The following ADGRG7 variants were observed in gnomAD, a reference collection of about 807,000 sequenced individuals.
ADGRG7 encodes the protein G-protein coupled receptor 128.
ADGRG7 carries 82 observed loss-of-function variants against 88.6 expected under a neutral mutation model. That is an observed-to-expected ratio of 0.93 (90% CI 0.77 to 1.11). The LOEUF (loss-of-function observed/expected upper bound fraction) is 1.11. Among genes scored for constraint, ADGRG7 ranks in the 50% most tolerant of loss-of-function variants. The pLI, the probability that ADGRG7 is intolerant of heterozygous loss-of-function variation, is 0.00. For synonymous variants in ADGRG7, 381 were observed against 345.2 expected (o/e 1.10, Z -1.15); for missense variants, 945 against 953.4 (o/e 0.99, Z 0.12).
chr3:100,625,912 G>A (rs748659385), intron 1 of ADGRG7, among the ~76,000 whole-genome samples: 142 of 152,160 alleles, frequency 9.3e-4, no homozygotes, highest in Non-Finnish European at 1.7e-3. Flanking sequence ...TTTTTGATGT[G>A]CTGCTGGATT....
rs755022452 is a variant in ADGRG7, at chr3:100,695,012, T to G, written c.*11T>G. The G allele has an allele frequency of 1.2e-6, 2 of 1,608,582 alleles. No homozygotes were observed. Among genetic ancestry groups the G allele is most frequent in the Non-Finnish European group, 8.5e-7 (1 of 1,176,636 alleles). On this transcript the variant is annotated 3_prime_UTR_variant, in exon 16 of 16. Coordinates refer to ENST00000273352, the MANE Select transcript of ADGRG7 (RefSeq NM_032787.3). ...AAGGAAAGCATCTAGACAGTAAAAC[T>G]TACCTGTTGTGGTCTTTTTAATCAC...
At chr3:100,633,764 C>T (rs148544204) in intron 4 of ADGRG7, among the ~76,000 whole-genome samples, 2,150 of 152,128 alleles carry the variant, frequency 0.014, 43 homozygotes, top group African/African-American at 0.048. Flanking sequence ...ACAGGTGATC[C>T]GCCTGCCTCA....
chr3:100,622,930 T>A (rs1407514520), intron 1 of ADGRG7, among the ~76,000 whole-genome samples: 1 of 142,336 alleles, frequency 7.0e-6, no homozygotes, highest in Non-Finnish European at 1.5e-5. Context: ...TTGTTTTTGT[T>A]TTTTTTTTTT....
Position 100,609,965 on chromosome 3 carries a change from C to T in ADGRG7, c.109C>T (p.Gln37Ter). The change falls in exon 1 of 16, where the codon CAA becomes TAA. Residue 37 changes from glutamine (Q) to a stop codon, truncating the protein, a stop_gained. Coordinates refer to ENST00000273352, the MANE Select transcript of ADGRG7 (RefSeq NM_032787.3). LOFTEE classifies it high-confidence loss of function. The part of the protein sequence containing the change: ...LGIWRIVIRI[Q>*]RGKSTSSSST... ...CATCTGGAGGATTGTGATCAGGATC[C>T]AAAGAGGTAATGTTGTCCTGCTATG... 6.2e-7 allele frequency: 1 copy of T among 1,611,318 alleles called. No homozygotes were observed. The highest frequency in any genetic ancestry group is 8.5e-7 in the Non-Finnish European group (1 of 1,177,832).
intron 1 of ADGRG7, among the ~76,000 whole-genome samples, chr3:100,621,820 AGAG>A (rs1177933056): frequency 5.3e-5 from 8 of 152,336 alleles, no homozygotes; most frequent in Non-Finnish European, 1.0e-4. Context: ...TCACAGCTAG[AGAG>A]GAGAAGTCAA....
At chr3:100,659,172 C>A (rs1294426274) in intron 13 of ADGRG7, among the ~76,000 whole-genome samples, 3 of 152,000 alleles carry the variant, frequency 2.0e-5, no homozygotes, top group African/African-American at 7.2e-5. Flanking sequence ...GTGGCTCATG[C>A]CTGTAATCCC....
At chr3:100,648,917 T>C (rs911232194) in intron 10 of ADGRG7, among the ~76,000 whole-genome samples, 4 of 152,216 alleles carry the variant, frequency 2.6e-5, no homozygotes, top group African/African-American at 9.6e-5. Context: ...TATTTTCATA[T>C]ATATATACAC....
At chr3:100,662,798 C>A (rs2094947104) in intron 14 of ADGRG7, among the ~76,000 whole-genome samples, 1 of 151,506 alleles carries the variant, frequency 6.6e-6, no homozygotes, top group Admixed American at 6.6e-5. Flanking sequence ...AATGTAAAAA[C>A]TGGAATTATG....
At chr3:100,682,574 T>A (rs1454495288) in intron 15 of ADGRG7, among the ~76,000 whole-genome samples, 1 of 152,138 alleles carries the variant, frequency 6.6e-6, no homozygotes, top group African/African-American at 2.4e-5. Flanking sequence ...GGGCCCACGA[T>A]CTGCTCCCGG....
At chr3:100,647,752 CA>C (rs1422667439) in intron 10 of ADGRG7, among the ~76,000 whole-genome samples, 1 of 152,092 alleles carries the variant, frequency 6.6e-6, no homozygotes, top group Admixed American at 6.5e-5. Context: ...TTTTTATACA[CA>C]ATGGAATGGG....
In ADGRG7 at chr3:100,609,732, A is replaced by C; in HGVS notation, c.-125A>C. The C allele has an allele frequency of 3.1e-6, 2 of 647,492 alleles. No individual in the cohort carries two copies. Among genetic ancestry groups the C allele is most frequent in the South Asian group, 3.6e-5 (2 of 55,206 alleles). 40.1% of individuals were successfully genotyped at this position (647,492 alleles called of 1,614,324 possible). On this transcript the variant is annotated 5_prime_UTR_variant, in exon 1 of 16. Transcript: ENST00000273352. ...CCTAAAATACAAAGACATCCATCTG[A>C]CAGATCACTGAGGGGAGGACTTGTT...
At chr3:100,687,985 C>T (rs1242297066) in intron 15 of ADGRG7, among the ~76,000 whole-genome samples, 9 of 151,988 alleles carry the variant, frequency 5.9e-5, no homozygotes, top group Admixed American at 1.3e-4. Flanking sequence ...TGGTAGAATT[C>T]GGCTGTGAAT....
At chr3:100,683,799 A>G (rs559822996) in intron 15 of ADGRG7, among the ~76,000 whole-genome samples, 4 of 152,352 alleles carry the variant, frequency 2.6e-5, no homozygotes, top group Admixed American at 2.0e-4. Context: ...TACTTTTTGA[A>G]GGTGCTTGTT....
chr3:100,637,365 A>G lies in ADGRG7; in HGVS notation c.661A>G (p.Arg221Gly). 6.2e-7 allele frequency: 1 copy of G among 1,613,920 alleles called. No homozygotes were observed. The highest frequency in any genetic ancestry group is 8.5e-7 in the Non-Finnish European group (1 of 1,179,856). ...AGATGCCAGTGAAGATGCTTTTCAA[A>G]GAGTTGCTGCTACTGCTAATGATGA... The part of the protein sequence containing the change: ...LLDASEDAFQ[R>G]VAATANDDAL... The change falls in exon 6 of 16, where the codon AGA becomes GGA. Residue 221 changes from arginine (R) to glycine (G), a missense_variant. Transcript: ENST00000273352.
intron 14 of ADGRG7, among the ~76,000 whole-genome samples, chr3:100,668,693 C>T (rs1052171234): frequency 1.3e-5 from 2 of 152,126 alleles, no homozygotes; most frequent in Non-Finnish European, 2.9e-5. Context: ...TAAAATTTGC[C>T]TGCTGTAGTA....
chr3:100,665,225 G>A (rs2094950246), intron 14 of ADGRG7: 2 of 540,166 alleles, frequency 3.7e-6, no homozygotes, highest in Non-Finnish European at 3.8e-6. Context: ...AAAGCACGGA[G>A]GATATGGAAC....
At chr3:100,637,557 C>T (rs191967385) in intron 6 of ADGRG7, 155 bp downstream of exon 6, 2 of 602,246 alleles carry the variant, frequency 3.3e-6, no homozygotes, top group Non-Finnish European at 5.9e-6. Flanking sequence ...TTCCACTTGA[C>T]CTTTAGTTAC....
At chr3:100,682,739 G>A (rs2094975245) in intron 15 of ADGRG7, among the ~76,000 whole-genome samples, 1 of 152,200 alleles carries the variant, frequency 6.6e-6, no homozygotes, top group Non-Finnish European at 1.5e-5. Flanking sequence ...TCCAGGCTGT[G>A]AGGAGGCACG....
At chr3:100,678,843 C>T (rs908700437) in intron 15 of ADGRG7, among the ~76,000 whole-genome samples, 3 of 152,098 alleles carry the variant, frequency 2.0e-5, no homozygotes, top group East Asian at 3.9e-4. Flanking sequence ...CTGAGCTAGC[C>T]GAGGGAGGGG....
Sources: gnomAD v4.1 joint callset for allele counts (sites outside exome capture counted in the v4.1 genomes callset) on GRCh38, gnomAD v4.1.1 for gene constraint, MANE v1.5 for transcripts, NCBI Gene and HGNC (gene_info 2026-07-23, HGNC 2026-07-21) for gene names.